Variants in MSH3 observed in about 807,000 individuals in gnomAD.
MSH3 encodes DNA mismatch repair protein Msh3.
In MSH3, 106 loss-of-function variants were observed where a neutral mutation model predicts 123.3. That is an observed-to-expected ratio of 0.86 (90% CI 0.73 to 1.01). MSH3 has a LOEUF of 1.01. Among genes scored for constraint, MSH3 ranks in the 50% least tolerant of loss-of-function variants. MSH3 has a pLI of 0.00. For synonymous variants in MSH3, 515 were observed against 481.4 expected, an observed-to-expected ratio of 1.07 and a Z score of -0.91; for missense variants, 1,459 against 1,347.6, an observed-to-expected ratio of 1.08 and a Z score of -1.29.
chr5:80,739,359 A>G (rs1743570856), intron 10 of MSH3, among the ~76,000 whole-genome samples: 1 of 152,208 alleles, frequency 6.6e-6, no homozygotes, highest in Non-Finnish European at 1.5e-5. Context: ...CCTGTAAATA[A>G]TGTTTTACAT....
At chr5:80,871,387 G>C (rs1037632455) in intron 22 of MSH3, among the ~76,000 whole-genome samples, 7 of 152,176 alleles carry the variant, frequency 4.6e-5, no homozygotes, top group Non-Finnish European at 7.3e-5. Context: ...AGGAGTCCAG[G>C]TGCAACTTAG....
At chr5:80,687,033 A>G (rs566769602) in intron 8 of MSH3, among the ~76,000 whole-genome samples, 31 of 152,308 alleles carry the variant, frequency 2.0e-4, no homozygotes, top group African/African-American at 7.2e-4. Flanking sequence ...ATTTCTTTTT[A>G]TATCTGAAAG....
At chr5:80,833,452 T>G (rs1580078145) in intron 20 of MSH3, among the ~76,000 whole-genome samples, 1 of 152,232 alleles carries the variant, frequency 6.6e-6, no homozygotes, top group Non-Finnish European at 1.5e-5. Context: ...TTTTTTTGTT[T>G]TTTTGTTTTG....
intron 19 of MSH3, among the ~76,000 whole-genome samples, chr5:80,803,068 C>A (rs1744820782): frequency 1.0e-5 from 1 of 97,924 alleles, no homozygotes. Flanking sequence ...ATACTGATTT[C>A]CTTTCTTTTG....
At chr5:80,674,077 A>G (rs1749779706) in intron 6 of MSH3, among the ~76,000 whole-genome samples, 1 of 152,216 alleles carries the variant, frequency 6.6e-6, no homozygotes, top group African/African-American at 2.4e-5. Flanking sequence ...CAAACTATTA[A>G]CAGCCTTGTG....
At chr5:80,841,273 A>G (rs1745619245) in intron 20 of MSH3, among the ~76,000 whole-genome samples, 1 of 152,176 alleles carries the variant, frequency 6.6e-6, no homozygotes, top group African/African-American at 2.4e-5. Flanking sequence ...CATGGTGTAT[A>G]TGTGCCATAT....
At chr5:80,665,708 C>T (rs960791895) in intron 3 of MSH3, among the ~76,000 whole-genome samples, 3 of 152,034 alleles carry the variant, frequency 2.0e-5, no homozygotes, top group African/African-American at 7.2e-5. Flanking sequence ...CCATGATTAC[C>T]GTGGAAAATC....
chr5:80,821,522 CATTA>C (rs1353642149), intron 20 of MSH3, among the ~76,000 whole-genome samples: 2 of 152,138 alleles, frequency 1.3e-5, no homozygotes, highest in Admixed American at 6.5e-5. Context: ...AACTTTAAAG[CATTA>C]ATTAATTAAT....
intron 8 of MSH3, among the ~76,000 whole-genome samples, chr5:80,682,695 C>G (rs1373228063): frequency 6.6e-5 from 10 of 152,212 alleles, no homozygotes. Context: ...GGGTATCCAT[C>G]TCCTCAAGCA....
At chr5:80,655,350 C>G (rs182505092) in intron 1 of MSH3, 1 of 238,118 alleles carries the variant, frequency 4.2e-6, no homozygotes, top group East Asian at 6.1e-5. Context: ...GATTGGGTGA[C>G]TAGAAGAAAG....
At chr5:80,686,470 T>A (rs1476132255) in intron 8 of MSH3, among the ~76,000 whole-genome samples, 1 of 151,698 alleles carries the variant, frequency 6.6e-6, no homozygotes, top group Non-Finnish European at 1.5e-5. Flanking sequence ...GCCTGGCTAA[T>A]TTTTTTTGTA....
At chr5:80,871,181 G>A (rs995931964) in intron 22 of MSH3, among the ~76,000 whole-genome samples, 4 of 152,172 alleles carry the variant, frequency 2.6e-5, no homozygotes, top group Non-Finnish European at 5.9e-5. Context: ...GCTTCAGCCA[G>A]CCCTGCAGAG....
At chr5:80,772,979 C>G (rs1431739183) in intron 15 of MSH3, among the ~76,000 whole-genome samples, 1 of 152,164 alleles carries the variant, frequency 6.6e-6, no homozygotes, top group African/African-American at 2.4e-5. Flanking sequence ...ACTGTATTGG[C>G]TCTGTGTATG....
At chr5:80,694,602 T>A (rs989319398) in intron 8 of MSH3, among the ~76,000 whole-genome samples, 4 of 152,106 alleles carry the variant, frequency 2.6e-5, no homozygotes, top group Non-Finnish European at 2.9e-5. Flanking sequence ...TCTTTTTTTT[T>A]ATTTTTTCCT....
chr5:80,695,423 C>G (rs1054165015), intron 8 of MSH3, among the ~76,000 whole-genome samples: 7 of 152,004 alleles, frequency 4.6e-5, no homozygotes, highest in Non-Finnish European at 8.8e-5. Context: ...CAACCTCCGC[C>G]CCCCGGGTTC....
chr5:80,827,026 A>G (rs1478022980), intron 20 of MSH3, among the ~76,000 whole-genome samples: 1 of 152,192 alleles, frequency 6.6e-6, no homozygotes, highest in Admixed American at 6.5e-5. Context: ...ATTTCCAAGG[A>G]TCATTAACAT....
At chr5:80,777,308 A>G (rs1744323618) in intron 16 of MSH3, among the ~76,000 whole-genome samples, 2 of 137,016 alleles carry the variant, frequency 1.5e-5, no homozygotes. Flanking sequence ...TGCTACCAGA[A>G]GCTGTACTTT....
intron 8 of MSH3, among the ~76,000 whole-genome samples, chr5:80,716,198 G>A (rs1210332290): frequency 6.6e-6 from 1 of 152,090 alleles, no homozygotes; most frequent in Non-Finnish European, 1.5e-5. Context: ...GAATTGTGTT[G>A]ACTAATAAAA....
At chr5:80,801,420 A>T (rs1169339690) in intron 19 of MSH3, among the ~76,000 whole-genome samples, 1 of 152,102 alleles carries the variant, frequency 6.6e-6, no homozygotes. Context: ...TGTACAACTT[A>T]TCTCGTGCTG....
Sources: allele counts gnomAD v4.1 joint callset (sites outside exome capture counted in the v4.1 genomes callset), GRCh38; gene constraint gnomAD v4.1.1; transcripts MANE v1.5; gene names NCBI Gene and HGNC (gene_info 2026-07-23, HGNC 2026-07-21).